Variants in CACNA2D4 observed in about 807,000 individuals in gnomAD.
CACNA2D4 encodes the protein calcium voltage-gated channel auxiliary subunit alpha2delta 4.
CACNA2D4 carries 157 observed loss-of-function variants against 163.8 expected under a neutral mutation model. The ratio of observed to expected loss-of-function variants is 0.96; its 90% CI spans 0.84 to 1.09. CACNA2D4 has a LOEUF of 1.09. Among genes scored for constraint, CACNA2D4 ranks in the 50% least tolerant of loss-of-function variants. The pLI is 0.00. For missense variants in CACNA2D4, 1,410 were observed against 1,479.9 expected (o/e 0.95, Z 0.78); for synonymous variants, 598 against 586.9 (o/e 1.02, Z -0.27).
intron 26 of CACNA2D4, among the ~76,000 whole-genome samples, chr12:1,817,975 TG>T (rs1164927975): frequency 6.9e-6 from 1 of 144,482 alleles, no homozygotes; most frequent in Non-Finnish European, 1.5e-5. Context: ...CCTCTCTGTC[TG>T]GCTGCCCAGT....
At chr12:1,801,428 GCTC>G (rs1258354004) in intron 30 of CACNA2D4, 143 bp downstream of exon 30, 49 of 719,890 alleles carry the variant, frequency 6.8e-5, no homozygotes, top group Non-Finnish European at 1.1e-4. Flanking sequence ...TGACGCCCTG[GCTC>G]CATAAAGGTT....
chr12:1,880,949 C>T (rs796481033), intron 13 of CACNA2D4, among the ~76,000 whole-genome samples: 8 of 152,324 alleles, frequency 5.3e-5, no homozygotes, highest in African/African-American at 1.7e-4. Flanking sequence ...TAGGACATGT[C>T]TCAGTCTGGG....
chr12:1,845,784 T>C (rs910924813), intron 24 of CACNA2D4, among the ~76,000 whole-genome samples: 14 of 152,218 alleles, frequency 9.2e-5, no homozygotes, highest in Non-Finnish European at 1.5e-4. Flanking sequence ...TTCTCAGCCT[T>C]GGCACCGGTG....
intron 23 of CACNA2D4, among the ~76,000 whole-genome samples, chr12:1,848,404 G>A (rs1865199539): frequency 6.6e-6 from 1 of 152,224 alleles, no homozygotes; most frequent in East Asian, 1.9e-4. Flanking sequence ...AACTGGCCGT[G>A]AGACCTCAGG....
chr12:1,816,211 C>T (rs919746584), intron 26 of CACNA2D4, among the ~76,000 whole-genome samples: 2 of 152,198 alleles, frequency 1.3e-5, no homozygotes, highest in Non-Finnish European at 2.9e-5. Flanking sequence ...GAGACAACAC[C>T]TTATGATATT....
At chr12:1,795,973 C>T in intron 35 of CACNA2D4, 193 bp from the exon 36 acceptor site, 1 of 596,452 alleles carries the variant, frequency 1.7e-6, no homozygotes, top group East Asian at 2.8e-5. Flanking sequence ...TGCTCACAAG[C>T]CTTTGCTGCT....
At chr12:1,908,209 C>T (rs1866715379) in intron 4 of CACNA2D4, among the ~76,000 whole-genome samples, 172 bp from the exon 5 acceptor site, 1 of 152,234 alleles carries the variant, frequency 6.6e-6, no homozygotes, top group Admixed American at 6.5e-5. Context: ...CGATTCGGGA[C>T]AAAAATATCC....
intron 13 of CACNA2D4, among the ~76,000 whole-genome samples, chr12:1,880,567 T>A (rs550539929): frequency 4.9e-4 from 74 of 152,360 alleles, no homozygotes; most frequent in African/African-American, 1.7e-3. Flanking sequence ...CCCCACTTTA[T>A]AACAAAAGTA....
intron 26 of CACNA2D4, among the ~76,000 whole-genome samples, chr12:1,822,522 T>G (rs998722004): frequency 2.0e-5 from 3 of 152,128 alleles, no homozygotes; most frequent in African/African-American, 7.2e-5. Flanking sequence ...CTTAGCCTCC[T>G]TCATGTCAGG....
At chr12:1,900,719 G>A (rs990186170) in intron 6 of CACNA2D4, among the ~76,000 whole-genome samples, 3 of 152,126 alleles carry the variant, frequency 2.0e-5, no homozygotes, top group African/African-American at 7.2e-5. Context: ...TATTATTAGA[G>A]CTAAATAGAG....
Position 1,909,909 on chromosome 12 carries a change from C to G in CACNA2D4, c.483G>C (p.Leu161=). 1 of 1,613,604 alleles carries G rather than the reference C, an allele frequency of 6.2e-7. No individual in the cohort carries two copies. Among genetic ancestry groups the G allele is most frequent in the Non-Finnish European group, 8.5e-7 (1 of 1,179,664 alleles). ...ADLNHEFNES[L]VFDYYNSVLI... ...CAGTGCCAGGAGTGGGACTCACCACCAGGGATTCATTGAATTCGTGGTTCA... is the reference window on the plus strand; with the variant it reads ...CAGTGCCAGGAGTGGGACTCACCACGAGGGATTCATTGAATTCGTGGTTCA... The change falls in exon 4 of 38, where the codon CTG becomes CTC. Residue 161 remains leucine, a synonymous_variant. Coordinates refer to ENST00000382722, the MANE Select transcript of CACNA2D4 (RefSeq NM_172364.5).
chr12:1,878,322 C>A lies in CACNA2D4; in HGVS notation c.1712G>T (p.Arg571Leu), dbSNP rs781270397. ...AAGAAGATCTGTACCTACCAGGGGCCGGAGGTCGGGATGGGAGAGGATGTA... is the reference window on the plus strand; with the variant it reads ...AAGAAGATCTGTACCTACCAGGGGCAGGAGGTCGGGATGGGAGAGGATGTA... ...NGYILSHPDLRPLYREGKKLK... is the reference protein window; with the variant it reads ...NGYILSHPDLLPLYREGKKLK... The change falls in exon 16 of 38, where the codon CGG becomes CTG. Residue 571 changes from arginine to leucine, a missense_variant. Transcript: ENST00000382722. The surrounding 1 kb of genome is among the most constrained non-coding windows in gnomAD (Gnocchi z 4.6). 2 of 1,608,956 alleles carry A rather than the reference C, an allele frequency of 1.2e-6. No homozygotes were observed.
intron 26 of CACNA2D4, among the ~76,000 whole-genome samples, chr12:1,813,372 C>A (rs981599055): frequency 6.6e-6 from 1 of 152,084 alleles, no homozygotes; most frequent in African/African-American, 2.4e-5. Flanking sequence ...ATTTAGGGAA[C>A]CCCCGTCCTA....
intron 4 of CACNA2D4, among the ~76,000 whole-genome samples, chr12:1,909,464 G>A (rs1002242421): frequency 3.9e-5 from 6 of 152,258 alleles, no homozygotes; most frequent in Admixed American, 6.5e-5. Context: ...AAAGTGCTGG[G>A]ATTACAGGCG....
rs560569196 is a variant in CACNA2D4 at position 1,833,722 on chromosome 12, C to T, written c.2551+7017G>A. Among the ~76,000 whole-genome samples the T allele has an allele frequency of 1.1e-4, 16 of 152,318 alleles. No individual in the cohort carries two copies. The highest frequency in any genetic ancestry group is 3.1e-4 in the African/African-American group (13 of 41,574). On this transcript the variant is annotated intron_variant, in intron 26 of 37. Transcript: ENST00000382722. This position sits in a 1 kb window ranked among gnomAD's most constrained non-coding sequence, Gnocchi z 4.2. ...ATTCTTAGGCAACCAAAAGGTCTTG[C>T]GTGGAGGGGCAGCGGCAGGGGCAGT...
At chr12:1,866,626 G>T (rs7313330) in intron 18 of CACNA2D4, among the ~76,000 whole-genome samples, 127,778 of 151,258 alleles carry the variant, frequency 0.84, 54,210 homozygotes, top group South Asian at 0.88. Context: ...GTCTTTTTTT[G>T]TTGTTTGTTT....
chr12:1,890,846 C>G (rs1048160719), intron 6 of CACNA2D4, among the ~76,000 whole-genome samples: 6 of 152,152 alleles, frequency 3.9e-5, no homozygotes, highest in Admixed American at 2.0e-4. Flanking sequence ...GAACTTCTCC[C>G]AGGGTCCTGA....
At chr12:1,893,471 TCACACCACTG>T (rs897056005) in intron 6 of CACNA2D4, among the ~76,000 whole-genome samples, 13 of 151,908 alleles carry the variant, frequency 8.6e-5, no homozygotes, top group African/African-American at 1.5e-4. Flanking sequence ...TGAGCAGAGA[TCACACCACTG>T]CACTCCAGCC....
At chr12:1,903,331 T>A (rs2079609) in intron 6 of CACNA2D4, among the ~76,000 whole-genome samples, 1 of 152,086 alleles carries the variant, frequency 6.6e-6, no homozygotes, top group Non-Finnish European at 1.5e-5. Flanking sequence ...TAATACCCCA[T>A]GAGCACATGC....
Sources: allele counts gnomAD v4.1 joint callset (sites outside exome capture counted in the v4.1 genomes callset), GRCh38; gene constraint gnomAD v4.1.1; non-coding constraint Gnocchi (gnomAD v3.1); transcripts MANE v1.5; gene names NCBI Gene and HGNC (gene_info 2026-07-23, HGNC 2026-07-21).